The following IL1RAPL1 variants were observed in gnomAD, a reference collection of about 807,000 sequenced individuals.
The protein encoded by IL1RAPL1 is interleukin-1 receptor accessory protein-like 1.
IL1RAPL1 carries 3 observed loss-of-function variants against 48.4 expected under a neutral mutation model. That is an observed-to-expected ratio of 0.06 (90% confidence interval 0.03 to 0.16). The LOEUF (loss-of-function observed/expected upper bound fraction) is 0.16, where lower values mean the gene tolerates loss of function less well. Ranked by LOEUF, IL1RAPL1 falls within the 10% of genes least tolerant of loss-of-function variation. IL1RAPL1 has a pLI of 1.00. For synonymous variants in IL1RAPL1, 185 were observed against 187.7 expected, an observed-to-expected ratio of 0.99 and a Z score of 0.12; for missense variants, 349 against 530.6, an observed-to-expected ratio of 0.66 and a Z score of 3.36.
At chrX:29,182,091 A>G (rs147442863) in intron 2 of IL1RAPL1, among the ~76,000 whole-genome samples, 3,108 of 94,125 alleles carry the variant, frequency 0.033, 129 homozygotes, top group African/African-American at 0.11. Flanking sequence ...AGAGAGTTGG[A>G]ACTTTTAGCC....
intron 2 of IL1RAPL1, among the ~76,000 whole-genome samples, chrX:29,077,343 G>C (rs1036211638): frequency 9.0e-6 from 1 of 111,371 alleles, no homozygotes; most frequent in Admixed American, 9.5e-5. Flanking sequence ...GGTGGCTCAC[G>C]CTTGTAATCC....
intron 2 of IL1RAPL1, among the ~76,000 whole-genome samples, chrX:28,943,901 A>G (rs1176156834): frequency 9.0e-6 from 1 of 110,966 alleles, no homozygotes; most frequent in Non-Finnish European, 1.9e-5. Flanking sequence ...ATTCACCTCA[A>G]CATAGATTTG....
At chrX:28,787,451 G>A (rs1569172615) in intron 1 of IL1RAPL1, among the ~76,000 whole-genome samples, 1 of 111,729 alleles carries the variant, frequency 9.0e-6, no homozygotes, top group Non-Finnish European at 1.9e-5. Flanking sequence ...TTCATCAGAT[G>A]TGTCTGATGA....
At chrX:29,417,928 C>A (rs4829415) in intron 5 of IL1RAPL1, among the ~76,000 whole-genome samples, 2 of 105,892 alleles carry the variant, frequency 1.9e-5, no homozygotes, top group Non-Finnish European at 3.9e-5. Context: ...ATTACCCACC[C>A]TCAGAGTCTT....
At chrX:28,922,724 GAATT>G (rs768403255) in intron 2 of IL1RAPL1, among the ~76,000 whole-genome samples, 3 of 111,740 alleles carry the variant, frequency 2.7e-5, no homozygotes, top group Non-Finnish European at 5.6e-5. Flanking sequence ...AAATATCAAA[GAATT>G]AATTAAAATC....
chrX:29,267,110 C>T (rs1260285245), intron 2 of IL1RAPL1, among the ~76,000 whole-genome samples: 2 of 112,052 alleles, frequency 1.8e-5, no homozygotes, highest in African/African-American at 6.5e-5. Context: ...ATCCAAACCA[C>T]TCTTTTCCAC....
intron 5 of IL1RAPL1, among the ~76,000 whole-genome samples, chrX:29,618,515 A>T (rs1262258771): frequency 9.0e-6 from 1 of 111,294 alleles, no homozygotes; most frequent in Admixed American, 9.6e-5. Flanking sequence ...CCTCCGGAGG[A>T]TCTAGGGGAA....
chrX:29,750,076 T>C (rs1162664201), intron 6 of IL1RAPL1, among the ~76,000 whole-genome samples: 1 of 112,089 alleles, frequency 8.9e-6, no homozygotes, highest in Non-Finnish European at 1.9e-5. Context: ...ATTCTTTCCT[T>C]GTGACACCTC....
intron 2 of IL1RAPL1, among the ~76,000 whole-genome samples, chrX:29,144,212 G>A (rs1274537124): frequency 9.0e-6 from 1 of 111,436 alleles, no homozygotes; most frequent in Non-Finnish European, 1.9e-5. Context: ...AAGGAGGGCA[G>A]TGGCAATGGG....
intron 2 of IL1RAPL1, among the ~76,000 whole-genome samples, chrX:29,120,697 T>C (rs1602066079): frequency 2.7e-5 from 3 of 111,539 alleles, no homozygotes; most frequent in Admixed American, 9.6e-5. Context: ...TACAATGTCT[T>C]CCAGAAGCTA....
intron 2 of IL1RAPL1, among the ~76,000 whole-genome samples, chrX:28,902,449 C>G (rs1423800118): frequency 1.8e-5 from 2 of 111,745 alleles, no homozygotes; most frequent in Non-Finnish European, 3.8e-5. Flanking sequence ...TACTCTCAAC[C>G]CATCAGTTCC....
At chrX:28,988,902 AT>A (rs2147380235) in intron 2 of IL1RAPL1, among the ~76,000 whole-genome samples, 1 of 111,693 alleles carries the variant, frequency 9.0e-6, no homozygotes, top group East Asian at 2.8e-4. Flanking sequence ...TGTATATATA[AT>A]TCCACAATGT....
intron 2 of IL1RAPL1, among the ~76,000 whole-genome samples, chrX:28,816,858 C>A (rs1438023893): frequency 9.1e-6 from 1 of 110,382 alleles, no homozygotes; most frequent in Non-Finnish European, 1.9e-5. Context: ...TACATTTCCA[C>A]CAACAGTATA....
intron 1 of IL1RAPL1, among the ~76,000 whole-genome samples, chrX:28,665,527 G>C (rs764209687): frequency 9.1e-6 from 1 of 110,010 alleles, no homozygotes; most frequent in Non-Finnish European, 1.9e-5. Flanking sequence ...GTCTTGCCCT[G>C]TCACCCAGGC....
rs147183684 is a variant in IL1RAPL1, at chrX:29,230,312, C to G, written c.83-52626C>G. Among the ~76,000 whole-genome samples the G allele has an allele frequency of 9.1e-4, 99 of 108,427 alleles. No homozygotes were observed. The East Asian group carries it at 0.013, about 14-fold the overall frequency. 94.2% of individuals were successfully genotyped at this position (108,427 alleles called of 115,157 possible). On this transcript the variant is annotated intron_variant, in intron 2 of 10. Coordinates refer to ENST00000378993, the MANE Select transcript of IL1RAPL1 (RefSeq NM_014271.4). ...TTATATAGAAGTATTAAATTAGGAG[C>G]TTTAGGGCATACTGAAGCTTCATAT...
At chrX:29,710,970 T>C (rs949067628) in intron 6 of IL1RAPL1, among the ~76,000 whole-genome samples, 41 of 103,876 alleles carry the variant, frequency 3.9e-4, no homozygotes, top group Non-Finnish European at 7.9e-4. Flanking sequence ...AAAAATTGAT[T>C]CCAATTTATA....
chrX:29,240,204 ATATATATATATATATATATATTTTTTT>A (rs1190951349), intron 2 of IL1RAPL1, among the ~76,000 whole-genome samples: 43 of 14,119 alleles, frequency 3.0e-3, no homozygotes, highest in African/African-American at 9.3e-3. Context: ...ACATATATAT[ATATATATATATATATATATATTTTTTT>A]TTTTTTTTTT....
At chrX:29,113,794 G>C (rs1258578401) in intron 2 of IL1RAPL1, among the ~76,000 whole-genome samples, 1 of 111,042 alleles carries the variant, frequency 9.0e-6, no homozygotes, top group Non-Finnish European at 1.9e-5. Context: ...TTTGGAGGGG[G>C]CTTGTATGCA....
chrX:28,766,473 G>A (rs977691807), intron 1 of IL1RAPL1, among the ~76,000 whole-genome samples: 1 of 111,189 alleles, frequency 9.0e-6, no homozygotes, highest in African/African-American at 3.3e-5. Flanking sequence ...GACATGCAAT[G>A]TGAAATAATC....
Sources: gnomAD v4.1 joint callset for allele counts (sites outside exome capture counted in the v4.1 genomes callset) on GRCh38, gnomAD v4.1.1 for gene constraint, MANE v1.5 for transcripts, NCBI Gene and HGNC (gene_info 2026-07-23, HGNC 2026-07-21) for gene names.